AMPH: variants seen among roughly 807,000 people sequenced by gnomAD.
AMPH encodes the protein amphiphysin.
A neutral mutation model predicts 99.1 loss-of-function variants in AMPH; 49 were observed. That is an observed-to-expected ratio of 0.49 (90% confidence interval 0.39 to 0.63). The LOEUF (loss-of-function observed/expected upper bound fraction) is 0.63, where lower values mean the gene tolerates loss of function less well. Ranked by LOEUF, AMPH falls within the 20% of genes least tolerant of loss-of-function variation. AMPH has a pLI of 0.00. For synonymous variants in AMPH, 314 were observed against 317.3 expected (o/e 0.99, Z 0.11); for missense variants, 759 against 863.4 (o/e 0.88, Z 1.52).
At chr7:38,496,401 C>A (rs35440398) in intron 3 of AMPH, among the ~76,000 whole-genome samples, 9,062 of 152,180 alleles carry the variant, frequency 0.06, 294 homozygotes, top group South Asian at 0.11. Context: ...GGGCACATTC[C>A]ACGAAGCCCT....
At chr7:38,615,203 T>C (rs1385968999) in intron 1 of AMPH, among the ~76,000 whole-genome samples, 2 of 152,170 alleles carry the variant, frequency 1.3e-5, no homozygotes, top group Non-Finnish European at 2.9e-5. Context: ...ATCTCTGTGC[T>C]TCAGTCTGTT....
chr7:38,424,501 G>A (rs1785711158), intron 15 of AMPH, among the ~76,000 whole-genome samples: 1 of 152,016 alleles, frequency 6.6e-6, no homozygotes, highest in Non-Finnish European at 1.5e-5. Context: ...AAAAATTATA[G>A]GGTGAAAAAC....
chr7:38,580,332 T>C (rs895077882), intron 1 of AMPH, among the ~76,000 whole-genome samples: 2 of 152,124 alleles, frequency 1.3e-5, no homozygotes, highest in African/African-American at 4.8e-5. Context: ...GCATTCTTTA[T>C]CTCCTTATTA....
At chr7:38,503,362 T>C (rs911859478) in intron 3 of AMPH, among the ~76,000 whole-genome samples, 2 of 152,160 alleles carry the variant, frequency 1.3e-5, no homozygotes, top group Admixed American at 6.5e-5. Context: ...TTAAACAAGG[T>C]CTCAAGCTCA....
chr7:38,557,487 C>A (rs898194207), intron 1 of AMPH, among the ~76,000 whole-genome samples: 4 of 152,168 alleles, frequency 2.6e-5, no homozygotes, highest in African/African-American at 9.7e-5. Context: ...TCACTGGGCA[C>A]TCATTCTTCT....
intron 1 of AMPH, among the ~76,000 whole-genome samples, chr7:38,571,395 CTATAT>C (rs1792018197): frequency 5.3e-5 from 3 of 56,636 alleles, no homozygotes; most frequent in Non-Finnish European, 6.8e-5. Flanking sequence ...TATATATATT[CTATAT>C]ATATAGAATA....
At chr7:38,623,099 G>A (rs1471181689) in intron 1 of AMPH, among the ~76,000 whole-genome samples, 1 of 152,224 alleles carries the variant, frequency 6.6e-6, no homozygotes. Context: ...AAGAGACAGG[G>A]ACCCCTGGGA....
chr7:38,577,517 A>T (rs1429067538), intron 1 of AMPH, among the ~76,000 whole-genome samples: 1 of 152,236 alleles, frequency 6.6e-6, no homozygotes, highest in Non-Finnish European at 1.5e-5. Flanking sequence ...ATACTGACCA[A>T]GTTTCCTGAA....
rs1430063410 is a variant in AMPH, at chr7:38,468,621, G to T, written c.591-2373C>A. Among the ~76,000 whole-genome samples the T allele has an allele frequency of 3.3e-5, 5 of 152,122 alleles. No individual in the cohort carries two copies. In the East Asian group the frequency reaches 9.6e-4, roughly 29 times the overall value. On this transcript the variant is annotated intron_variant, in intron 7 of 20. Coordinates refer to ENST00000356264, the MANE Select transcript of AMPH (RefSeq NM_001635.4). ...TTAGGATAAAGTGTCCAACATTTTT[G>T]ATACAACTGATAGTGATTTTCTCCA...
At chr7:38,608,955 C>T (rs113999726) in intron 1 of AMPH, among the ~76,000 whole-genome samples, 34 of 152,254 alleles carry the variant, frequency 2.2e-4, no homozygotes, top group African/African-American at 7.9e-4. Flanking sequence ...GCTATATGAA[C>T]GTGCTTTACG....
chr7:38,499,397 C>A (rs1789049158), intron 3 of AMPH, among the ~76,000 whole-genome samples: 1 of 152,112 alleles, frequency 6.6e-6, no homozygotes, highest in African/African-American at 2.4e-5. Context: ...GGAAGCCACC[C>A]AGAGATCAGT....
intron 18 of AMPH, among the ~76,000 whole-genome samples, chr7:38,393,599 A>T (rs1784579259): frequency 2.0e-5 from 3 of 152,186 alleles, no homozygotes; most frequent in African/African-American, 7.2e-5. Flanking sequence ...AATGATAATA[A>T]TAACCACCAA....
intron 1 of AMPH, among the ~76,000 whole-genome samples, chr7:38,544,949 C>T (rs1319537848): frequency 6.6e-6 from 1 of 152,212 alleles, no homozygotes; most frequent in Non-Finnish European, 1.5e-5. Context: ...GCCAAGCTCA[C>T]ATCTTCGACT....
At chr7:38,618,581 A>C (rs1268371819) in intron 1 of AMPH, among the ~76,000 whole-genome samples, 1 of 152,198 alleles carries the variant, frequency 6.6e-6, no homozygotes, top group Non-Finnish European at 1.5e-5. Context: ...TAAACATGTA[A>C]GGTGTTTGAC....
intron 1 of AMPH, among the ~76,000 whole-genome samples, chr7:38,624,686 AT>A (rs1158854101): frequency 6.6e-6 from 1 of 152,062 alleles, no homozygotes; most frequent in African/African-American, 2.4e-5. Context: ...ATAAATAAAA[AT>A]AATAAAAAAA....
chr7:38,612,018 C>T (rs1165754897), intron 1 of AMPH, among the ~76,000 whole-genome samples: 1 of 151,720 alleles, frequency 6.6e-6, no homozygotes, highest in African/African-American at 2.4e-5. Context: ...CCTCTGATTG[C>T]TCACTTCTGT....
At chr7:38,565,667 A>G (rs369105429) in intron 1 of AMPH, among the ~76,000 whole-genome samples, 1 of 150,886 alleles carries the variant, frequency 6.6e-6, no homozygotes, top group South Asian at 2.1e-4. Context: ...TTAGGGTTTC[A>G]ACATATGAAT....
At chr7:38,478,686 A>G (rs974126829) in intron 5 of AMPH, among the ~76,000 whole-genome samples, 1 of 152,212 alleles carries the variant, frequency 6.6e-6, no homozygotes, top group African/African-American at 2.4e-5. Context: ...GACTACGACT[A>G]ATATGTTAAA....
intron 17 of AMPH, among the ~76,000 whole-genome samples, chr7:38,417,242 G>A (rs1254846877): frequency 1.3e-5 from 2 of 152,106 alleles, no homozygotes; most frequent in Non-Finnish European, 2.9e-5. Flanking sequence ...GTAAGAGCAG[G>A]TTTCCAGGCA....
Sources: gnomAD v4.1 joint callset for allele counts (sites outside exome capture counted in the v4.1 genomes callset) on GRCh38, gnomAD v4.1.1 for gene constraint, MANE v1.5 for transcripts, NCBI Gene and HGNC (gene_info 2026-07-23, HGNC 2026-07-21) for gene names.